Variants in RAB6A observed in about 807,000 individuals in gnomAD.
RAB6A encodes the protein ras-related protein Rab-6A.
A neutral mutation model predicts 32.3 loss-of-function variants in RAB6A; 8 were observed. That is an observed-to-expected ratio of 0.25 (90% CI 0.15 to 0.45). RAB6A has a LOEUF of 0.45. Ranked by LOEUF, RAB6A falls within the 20% of genes least tolerant of loss-of-function variation. The probability of loss-of-function intolerance (pLI) is 1.00; values close to 1 mark genes in which losing one functional copy is unlikely to be tolerated. For missense variants in RAB6A, 104 were observed against 249.4 expected (o/e 0.42, Z 3.93); for synonymous variants, 73 against 82.1 (o/e 0.89, Z 0.60).
At chr11:73,700,738 A>G (rs534982238) in intron 6 of RAB6A, among the ~76,000 whole-genome samples, 72 of 152,170 alleles carry the variant, frequency 4.7e-4, no homozygotes, top group African/African-American at 1.5e-3. Context: ...ATATAATACA[A>G]ATGATCATGT....
chr11:73,757,338 G>A (rs1445754661), intron 1 of RAB6A, among the ~76,000 whole-genome samples: 2 of 149,544 alleles, frequency 1.3e-5, no homozygotes, highest in Non-Finnish European at 3.0e-5. Context: ...GTAGAGACCG[G>A]GCCATGGGGT....
chr11:73,747,983 G>A (rs937953280), intron 1 of RAB6A, among the ~76,000 whole-genome samples: 3 of 152,158 alleles, frequency 2.0e-5, no homozygotes, highest in African/African-American at 7.2e-5. Context: ...TCACCCTGAA[G>A]TTAATGTTTT....
chr11:73,722,215 T>C (rs1415683853), intron 2 of RAB6A: 2 of 148,968 alleles, frequency 1.3e-5, no homozygotes, highest in Non-Finnish European at 3.0e-5. Context: ...GTGTTTTGTA[T>C]AGTCTTATGC....
In RAB6A at chr11:73,743,171, G is replaced by A. The variant is rs117187302; in HGVS notation, c.71-12348C>T. On this transcript the variant is annotated intron_variant, in intron 1 of 7. Transcript: ENST00000336083. ...ACAAAAAAAATTAGCCAGATCTTGT[G>A]GTGGGCACCTGTAATCCCAGCTACT... Among the ~76,000 whole-genome samples, 140 of 151,958 alleles carry A rather than the reference G, an allele frequency of 9.2e-4. 1 individual carries two copies. In the East Asian group the frequency reaches 0.025, roughly 28 times the overall value.
intron 5 of RAB6A, among the ~76,000 whole-genome samples, chr11:73,708,644 T>G (rs543910063): frequency 1.3e-5 from 2 of 152,220 alleles, no homozygotes; most frequent in African/African-American, 4.8e-5. Flanking sequence ...TCATTTATAT[T>G]GGTATTCCTA....
At position 73,730,746 on chromosome 11, in the gene RAB6A, A is replaced by C. The variant is rs765881623; in HGVS notation, c.129+19T>G. 16 of 1,576,736 alleles carry C rather than the reference A, an allele frequency of 1.0e-5. No homozygotes were observed. The East Asian group carries it at 3.4e-4, about 33-fold the overall frequency. The stretch of plus-strand genomic sequence containing the variant: ...GTAACAAAAAATAGACAACAAATAA[A>C]TTGGCAAAAACAAAATACCTGATAG... On this transcript the variant is annotated intron_variant, in intron 2 of 7. Transcript: ENST00000336083.
At chr11:73,679,805 T>C (rs1945326511) in intron 6 of RAB6A, 85 bp from the exon 7 acceptor site, 4 of 1,558,812 alleles carry the variant, frequency 2.6e-6, no homozygotes, top group Non-Finnish European at 3.5e-6. Flanking sequence ...CAGTGAGCTG[T>C]CTAATGCTGG....
intron 6 of RAB6A, among the ~76,000 whole-genome samples, chr11:73,686,527 C>G (rs1168385708): frequency 6.6e-6 from 1 of 152,052 alleles, no homozygotes; most frequent in African/African-American, 2.4e-5. Flanking sequence ...TGCACTCCAG[C>G]CTAGATGACA....
intron 2 of RAB6A, among the ~76,000 whole-genome samples, chr11:73,725,456 G>A (rs1337663166): frequency 2.0e-5 from 3 of 152,202 alleles, no homozygotes; most frequent in South Asian, 2.1e-4. Flanking sequence ...CCGAGACTGG[G>A]TAATTTATAA....
chr11:73,745,941 A>G lies in RAB6A; in HGVS notation c.70+14625T>C, dbSNP rs1946582529. Among the ~76,000 whole-genome samples the G allele has an allele frequency of 2.6e-5, 4 of 152,082 alleles. No homozygotes were observed. The South Asian group carries it at 8.3e-4, about 31-fold the overall frequency. On this transcript the variant is annotated intron_variant, in intron 1 of 7. Transcript: ENST00000336083. ...CTTAAACCCTGGAGGCAGAGGTTGCAGTGAGCTGAGACTGCGCCACTGCAC... is the reference window on the plus strand; with the variant it reads ...CTTAAACCCTGGAGGCAGAGGTTGCGGTGAGCTGAGACTGCGCCACTGCAC...
At chr11:73,709,156 T>C (rs2134924107) in intron 5 of RAB6A, among the ~76,000 whole-genome samples, 1 of 152,312 alleles carries the variant, frequency 6.6e-6, no homozygotes, top group Admixed American at 6.5e-5. Context: ...AGTACAATTA[T>C]TAAATCTGGG....
chr11:73,727,036 T>C (rs1946234056), intron 2 of RAB6A, among the ~76,000 whole-genome samples: 3 of 152,148 alleles, frequency 2.0e-5, no homozygotes, highest in Admixed American at 2.0e-4. Context: ...CAGGTTATAA[T>C]GAAGAGGACT....
At chr11:73,750,421 C>T (rs112063639) in intron 1 of RAB6A, among the ~76,000 whole-genome samples, 79 of 151,004 alleles carry the variant, frequency 5.2e-4, no homozygotes, top group East Asian at 3.9e-3. Context: ...ATGATGTCAG[C>T]TCACTGCAAA....
intron 1 of RAB6A, among the ~76,000 whole-genome samples, chr11:73,758,887 A>G (rs1368338872): frequency 6.6e-6 from 1 of 152,206 alleles, no homozygotes; most frequent in Non-Finnish European, 1.5e-5. Flanking sequence ...CATAGGTTCT[A>G]CCAAGTTACT....
chr11:73,716,478 C>T (rs1946055145), intron 4 of RAB6A, 116 bp from the exon 5 acceptor site: 1 of 621,606 alleles, frequency 1.6e-6, no homozygotes, highest in East Asian at 2.8e-5. Context: ...ACATTAGTAC[C>T]CCACTTTTAA....
chr11:73,711,094 T>A (rs1203404249), intron 5 of RAB6A, among the ~76,000 whole-genome samples: 7 of 152,114 alleles, frequency 4.6e-5, no homozygotes, highest in Non-Finnish European at 1.0e-4. Flanking sequence ...CCACCTGGTA[T>A]CTCTGAAGCA....
At chr11:73,731,718 AT>A (rs1946312223) in intron 1 of RAB6A, among the ~76,000 whole-genome samples, 1 of 10,238 alleles carries the variant, frequency 9.8e-5, no homozygotes, top group South Asian at 3.6e-3. Flanking sequence ...ATATATATAT[AT>A]ATATATATAT....
intron 6 of RAB6A, among the ~76,000 whole-genome samples, chr11:73,688,742 A>G (rs548387666): frequency 5.9e-5 from 9 of 152,374 alleles, no homozygotes; most frequent in African/African-American, 2.2e-4. Flanking sequence ...CATCTGTAAA[A>G]CATTTCTATT....
intron 6 of RAB6A, among the ~76,000 whole-genome samples, chr11:73,700,610 G>GTGTGTGTGTGT (rs1491147897): frequency 7.9e-5 from 1 of 12,688 alleles, no homozygotes; most frequent in African/African-American, 1.6e-4. Flanking sequence ...GTGTGTGTGT[G>GTGTGTGTGTGT]GGGGGGGGGG....
Sources: allele counts gnomAD v4.1 joint callset (sites outside exome capture counted in the v4.1 genomes callset), GRCh38; gene constraint gnomAD v4.1.1; transcripts MANE v1.5; gene names NCBI Gene and HGNC (gene_info 2026-07-23, HGNC 2026-07-21).